Variants in HDLBP observed in about 807,000 individuals in gnomAD.
HDLBP encodes vigilin.
A neutral mutation model predicts 137.3 loss-of-function variants in HDLBP; 30 were observed. The observed-to-expected ratio is 0.22, with a 90% CI of 0.16 to 0.30. HDLBP has a LOEUF of 0.30. Among genes scored for constraint, HDLBP ranks in the 10% least tolerant of loss-of-function variants. The probability of loss-of-function intolerance (pLI) is 1.00; values close to 1 mark genes in which losing one functional copy is unlikely to be tolerated. For synonymous variants in HDLBP, 606 were observed against 596.0 expected (o/e 1.02, Z -0.24); for missense variants, 1,119 against 1,667.3 (o/e 0.67, Z 5.73).
chr2:241,279,965 G>A (rs891654909), intron 1 of HDLBP: 2 of 985,292 alleles, frequency 2.0e-6, no homozygotes, highest in African/African-American at 1.7e-5. Context: ...CGCTGCAGTG[G>A]AGCCATGCTG....
chr2:241,240,188 G>T lies in HDLBP; in HGVS notation c.2170-66C>A. The T allele has an allele frequency of 6.6e-7, 1 of 1,510,450 alleles. No individual in the cohort carries two copies. Among genetic ancestry groups the T allele is most frequent in the South Asian group, 1.1e-5 (1 of 88,860 alleles). 93.6% of individuals were successfully genotyped at this position (1,510,450 alleles called of 1,614,324 possible). ...GCCTGGACCACAGTGAGGAAGACAA[G>T]AGGGTCTGTAGGACAGCAAGCTCGG... On this transcript the variant is annotated intron_variant, in intron 17 of 27. Coordinates refer to ENST00000310931, the MANE Select transcript of HDLBP (RefSeq NM_005336.6). This position sits in a 1 kb window ranked among gnomAD's most constrained non-coding sequence, Gnocchi z 5.5.
chr2:241,257,597 C>T (rs983644988), intron 5 of HDLBP, among the ~76,000 whole-genome samples: 3 of 152,076 alleles, frequency 2.0e-5, no homozygotes, highest in Non-Finnish European at 4.4e-5. Flanking sequence ...AAGACACAAG[C>T]CCAACACAAG....
At chr2:241,251,975 C>CA (rs1424059045) in intron 11 of HDLBP, among the ~76,000 whole-genome samples, 1 of 152,018 alleles carries the variant, frequency 6.6e-6, no homozygotes, top group Non-Finnish European at 1.5e-5. Flanking sequence ...GACTCCGTCC[C>CA]AAAAAACAAA....
At chr2:241,282,650 C>T (rs992004128) in intron 1 of HDLBP, among the ~76,000 whole-genome samples, 6 of 152,158 alleles carry the variant, frequency 3.9e-5, no homozygotes, top group African/African-American at 1.2e-4. Context: ...ATATTTCAAA[C>T]GTTTTCATTG....
At chr2:241,300,675 G>C in intron 1 of HDLBP, among the ~76,000 whole-genome samples, 1 of 152,174 alleles carries the variant, frequency 6.6e-6, no homozygotes, top group East Asian at 1.9e-4. Context: ...AGATTTGATG[G>C]AGAAAAGACC....
Position 241,239,524 on chromosome 2 carries a change from G to A in HDLBP, c.2610+78C>T, listed in dbSNP as rs1200867136. ...TGAGGGAGTCACCTCCCTACAGGGT[G>A]GAGCGAACACTCATACACGGCTTCG... On this transcript the variant is annotated intron_variant, in intron 19 of 27. Transcript: ENST00000310931. This position sits in a 1 kb window ranked among gnomAD's most constrained non-coding sequence, Gnocchi z 4.6. 2.4e-5 allele frequency: 28 copies of A among 1,176,282 alleles called. No individual in the cohort carries two copies. In the Admixed American group the frequency reaches 4.9e-4, roughly 20 times the overall value. 72.9% of individuals were successfully genotyped at this position (1,176,282 alleles called of 1,614,324 possible).
rs943002292 is a variant in HDLBP at position 241,240,727 on chromosome 2, T to A, written c.2170-605A>T. On this transcript the variant is annotated intron_variant, in intron 17 of 27. Transcript: ENST00000310931. This position sits in a 1 kb window ranked among gnomAD's most constrained non-coding sequence, Gnocchi z 5.5. Reference sequence around the variant, plus strand: ...TAGAGACCGGTCCTCAGAGGCCTCGTGTAGTGCGACGCCCTTGTGTGGCAG... The same window carrying A: ...TAGAGACCGGTCCTCAGAGGCCTCGAGTAGTGCGACGCCCTTGTGTGGCAG... Among the ~76,000 whole-genome samples, 2 of 151,744 alleles carry A rather than the reference T, an allele frequency of 1.3e-5. No homozygotes were observed. The highest frequency in any genetic ancestry group is 4.9e-5 in the African/African-American group (2 of 41,120).
chr2:241,241,098 A>AGAC (rs1224996804), intron 17 of HDLBP, among the ~76,000 whole-genome samples: 1 of 152,182 alleles, frequency 6.6e-6, no homozygotes, highest in Non-Finnish European at 1.5e-5. Context: ...ATATGGCCAA[A>AGAC]GACAACCTAC....
chr2:241,264,381 A>G lies in HDLBP; in HGVS notation c.234+67T>C, dbSNP rs1301772484. On this transcript the variant is annotated intron_variant, in intron 4 of 27. Coordinates refer to ENST00000310931, the MANE Select transcript of HDLBP (RefSeq NM_005336.6). ...TGTCTCAAAAAAAAAAAAAAGAAAA[A>G]AAATTTAAAAATTTACATAGACATG... The G allele has an allele frequency of 2.3e-6, 3 of 1,295,644 alleles. No homozygotes were observed. In the African/African-American group the frequency reaches 4.5e-5, roughly 19 times the overall value. 80.3% of individuals were successfully genotyped at this position (1,295,644 alleles called of 1,614,324 possible).
rs572847177 is a variant in HDLBP at position 241,265,211 on chromosome 2, G to A, written c.77-606C>T. Among the ~76,000 whole-genome samples, 17 of 152,334 alleles carry A rather than the reference G, an allele frequency of 1.1e-4. No individual in the cohort carries two copies. In the East Asian group the frequency reaches 3.1e-3, roughly 28 times the overall value. The stretch of plus-strand genomic sequence containing the variant: ...AGGCAGGCAGATCACCTGAGGTCGG[G>A]AGTTCGAGACCAGCCTGACCAACAT... On this transcript the variant is annotated intron_variant, in intron 3 of 27. Transcript: ENST00000310931.
chr2:241,238,355 G>A lies in HDLBP; in HGVS notation c.2749+294C>T. On this transcript the variant is annotated intron_variant, in intron 20 of 27. Coordinates refer to ENST00000310931, the MANE Select transcript of HDLBP (RefSeq NM_005336.6). This position sits in a 1 kb window ranked among gnomAD's most constrained non-coding sequence, Gnocchi z 4.9. Reference sequence around the variant, plus strand: ...TCCAAACGATGTCATGAGAATCACTGGGACTGAACTCGGGACACCCGAGGA... The same window carrying A: ...TCCAAACGATGTCATGAGAATCACTAGGACTGAACTCGGGACACCCGAGGA... The A allele has an allele frequency of 4.1e-6, 1 of 245,382 alleles. No individual in the cohort carries two copies. Among genetic ancestry groups the A allele is most frequent in the Non-Finnish European group, 7.8e-6 (1 of 128,606 alleles). 15.2% of individuals were successfully genotyped at this position (245,382 alleles called of 1,614,324 possible). A position where few individuals can be genotyped will look rare whatever the true frequency, so the allele number is the denominator to read the frequency against.
At position 241,239,742 on chromosome 2, in the gene HDLBP, G is replaced by A. The variant is rs371053785; in HGVS notation, c.2470C>T (p.Arg824Trp). The change falls in exon 19 of 28, where the codon CGG becomes TGG. Residue 824 changes from arginine to tryptophan, a missense_variant. Arg to Trp is a moderately radical substitution (Grantham distance 101). Transcript: ENST00000310931. This position sits in a 1 kb window ranked among gnomAD's most constrained non-coding sequence, Gnocchi z 4.6. ...CCGCCATACTCTTCAGCAATCTCCCGCAAGACCTGGCCTCTGCGGATGACG... is the reference window on the plus strand; with the variant it reads ...CCGCCATACTCTTCAGCAATCTCCCACAAGACCTGGCCTCTGCGGATGACG... ...HFVIRRGQVL[R>W]EIAEEYGGVM... The A allele has an allele frequency of 6.8e-6, 11 of 1,614,028 alleles. No homozygotes were observed. Among genetic ancestry groups the A allele is most frequent in the South Asian group, 2.2e-5 (2 of 91,084 alleles).
In HDLBP at chr2:241,255,852, C is replaced by T. The variant is rs912886812; in HGVS notation, c.874-272G>A. ...AATCCTTTCCCTCAATTAAGGAACA[C>T]GTTTCAGACCTCAAAGTTCACTAAG... On this transcript the variant is annotated intron_variant, in intron 7 of 27. Coordinates refer to ENST00000310931, the MANE Select transcript of HDLBP (RefSeq NM_005336.6). Among the ~76,000 whole-genome samples, 11 of 152,324 alleles carry T rather than the reference C, an allele frequency of 7.2e-5. No homozygotes were observed. The East Asian group carries it at 1.2e-3, about 16-fold the overall frequency.
At chr2:241,289,513 G>A (rs1267983725) in intron 1 of HDLBP, among the ~76,000 whole-genome samples, 1 of 152,122 alleles carries the variant, frequency 6.6e-6, no homozygotes, top group African/African-American at 2.4e-5. Flanking sequence ...TGGAGATACC[G>A]GACTCAGATC....
At position 241,229,702 on chromosome 2, in the gene HDLBP, G is replaced by A. The variant is rs1310001337; in HGVS notation, c.3721-15C>T. On this transcript the variant is annotated splice_polypyrimidine_tract_variant and intron_variant, in intron 27 of 27. Transcript: ENST00000310931. ...ATGTCAGGAGCCTGTGCAGAGAGAG[G>A]ACACGGCTTCAGGAGGGGATGCTCC... 6.2e-7 allele frequency: 1 copy of A among 1,613,784 alleles called. No individual in the cohort carries two copies. Among genetic ancestry groups the A allele is most frequent in the South Asian group, 1.1e-5 (1 of 91,050 alleles).
rs1027587329 is a variant in HDLBP at position 241,236,696 on chromosome 2, G to A, written c.2823C>T (p.Asp941=). The A allele has an allele frequency of 1.9e-6, 3 of 1,614,098 alleles. No homozygotes were observed. Among genetic ancestry groups the A allele is most frequent in the Non-Finnish European group, 1.7e-6 (2 of 1,179,986 alleles). The change falls in exon 21 of 28, where the codon GAC becomes GAT. Residue 941 remains aspartate (D), a synonymous_variant. Coordinates refer to ENST00000310931, the MANE Select transcript of HDLBP (RefSeq NM_005336.6). ...AGEGREAKDC[D]PGSPRRCDII... is the part of the protein sequence containing the mutation. ...TGTCACACCTCCTTGGAGAGCCGGG[G>A]TCACAATCTTTAGCCTCTCTCCCCT...
chr2:241,237,078 C>A lies in HDLBP; in HGVS notation c.2750-309G>T, dbSNP rs544556803. Reference sequence around the variant, plus strand: ...AGATGAAGCTAACAGCAACTAACTACAGCAGAGGCTTCAGTGAGATCAGAT... The same window carrying A: ...AGATGAAGCTAACAGCAACTAACTAAAGCAGAGGCTTCAGTGAGATCAGAT... On this transcript the variant is annotated intron_variant, in intron 20 of 27. Transcript: ENST00000310931. Among the ~76,000 whole-genome samples the A allele has an allele frequency of 7.3e-5, 11 of 151,328 alleles. No homozygotes were observed. In the South Asian group the frequency reaches 2.3e-3, roughly 32 times the overall value.
At chr2:241,312,061 TA>T (rs777358955) in intron 1 of HDLBP, among the ~76,000 whole-genome samples, 6 of 152,182 alleles carry the variant, frequency 3.9e-5, no homozygotes, top group Non-Finnish European at 8.8e-5. Flanking sequence ...GAAACATGAT[TA>T]GGGGAAGGAT....
chr2:241,240,719 A>G lies in HDLBP; in HGVS notation c.2170-597T>C, dbSNP rs1048420559. Among the ~76,000 whole-genome samples, 3 of 139,808 alleles carry G rather than the reference A, an allele frequency of 2.1e-5. No homozygotes were observed. The highest frequency in any genetic ancestry group is 1.0e-4 in the African/African-American group (3 of 29,872). The allele number at this position is 139,808 out of a possible 152,430, so 91.7% of individuals were successfully genotyped here. ...GCTACAGTTAGAGACCGGTCCTCAGAGGCCTCGTGTAGTGCGACGCCCTTG... is the reference window on the plus strand; with the variant it reads ...GCTACAGTTAGAGACCGGTCCTCAGGGGCCTCGTGTAGTGCGACGCCCTTG... On this transcript the variant is annotated intron_variant, in intron 17 of 27. Transcript: ENST00000310931. This position sits in a 1 kb window ranked among gnomAD's most constrained non-coding sequence, Gnocchi z 5.5.
Sources: gnomAD v4.1 joint callset for allele counts (sites outside exome capture counted in the v4.1 genomes callset) on GRCh38, gnomAD v4.1.1 for gene constraint, Gnocchi (gnomAD v3.1) non-coding constraint, MANE v1.5 for transcripts, NCBI Gene and HGNC (gene_info 2026-07-23, HGNC 2026-07-21) for gene names.